FHIP1A: variants seen among roughly 807,000 people sequenced by gnomAD.
FHIP1A encodes the protein FHF complex subunit HOOK interacting protein 1A.
A neutral mutation model predicts 88.6 loss-of-function variants in FHIP1A; 61 were observed. That is an observed-to-expected ratio of 0.69 (90% CI 0.56 to 0.85). The LOEUF (loss-of-function observed/expected upper bound fraction) is 0.85, where lower values mean the gene tolerates loss of function less well. FHIP1A is among the 40% of genes least tolerant of loss of function. FHIP1A has a pLI of 0.00. For synonymous variants in FHIP1A, 478 were observed against 496.0 expected (o/e 0.96, Z 0.48); for missense variants, 1,154 against 1,273.5 (o/e 0.91, Z 1.43).
intron 11 of FHIP1A, among the ~76,000 whole-genome samples, chr4:151,651,323 CA>C (rs1196447424): frequency 1.3e-5 from 2 of 152,184 alleles, no homozygotes; most frequent in Non-Finnish European, 2.9e-5. Context: ...TAGAAAACAT[CA>C]TTAAATATTA....
chr4:151,604,321 C>T (rs569091964), intron 7 of FHIP1A, among the ~76,000 whole-genome samples: 3 of 152,204 alleles, frequency 2.0e-5, no homozygotes, highest in Non-Finnish European at 2.9e-5. Context: ...GACCCTGCTT[C>T]CCTGCTCTTT....
intron 2 of FHIP1A, among the ~76,000 whole-genome samples, chr4:151,455,928 G>T (rs1036172142): frequency 6.6e-6 from 1 of 152,134 alleles, no homozygotes; most frequent in South Asian, 2.1e-4. Context: ...AATATTAGAT[G>T]GAAGCACTGA....
At position 151,601,941 on chromosome 4, in the gene FHIP1A, A is replaced by G. The variant is rs189441849; in HGVS notation, c.978+13015A>G. Reference sequence around the variant, plus strand: ...TGGAAGGCAAGCAGGAGCAAGTTACATCTTACATGGATGGCGGCAGGCATA... The same window carrying G: ...TGGAAGGCAAGCAGGAGCAAGTTACGTCTTACATGGATGGCGGCAGGCATA... On this transcript the variant is annotated intron_variant, in intron 7 of 13. Transcript: ENST00000435205. Among the ~76,000 whole-genome samples, 18 of 152,112 alleles carry G rather than the reference A, an allele frequency of 1.2e-4. No individual in the cohort carries two copies. In the East Asian group the frequency reaches 3.3e-3, roughly 28 times the overall value.
chr4:151,516,788 A>C (rs1021229620), intron 3 of FHIP1A, among the ~76,000 whole-genome samples: 1 of 151,598 alleles, frequency 6.6e-6, no homozygotes, highest in South Asian at 2.1e-4. Context: ...CAATCATTCA[A>C]AAGTCAGGAA....
At chr4:151,565,310 A>G (rs1175813215) in intron 3 of FHIP1A, among the ~76,000 whole-genome samples, 3 of 152,102 alleles carry the variant, frequency 2.0e-5, no homozygotes, top group African/African-American at 4.8e-5. Flanking sequence ...CGTACACTCT[A>G]TGACCTCAAT....
rs1226234782 is a variant in FHIP1A, at chr4:151,670,454, A to G, written c.*7700A>G. On this transcript the variant is annotated 3_prime_UTR_variant, in exon 14 of 14. Transcript: ENST00000435205. ...ATCTTTGAAGTGTAAGTTAATTTTT[A>G]TGTGATATTTCAGTATATATTTTAT... The G allele has an allele frequency of 1.3e-5, 2 of 152,128 alleles. No individual in the cohort carries two copies. Among genetic ancestry groups the G allele is most frequent in the African/African-American group, 4.8e-5 (2 of 41,410 alleles). 9.4% of individuals were successfully genotyped at this position (152,128 alleles called of 1,614,324 possible).
chr4:151,445,070 C>T (rs1244448251), intron 1 of FHIP1A, among the ~76,000 whole-genome samples: 2 of 152,172 alleles, frequency 1.3e-5, no homozygotes, highest in African/African-American at 4.8e-5. Flanking sequence ...TTTCCTACAA[C>T]TTCTATCTGA....
chr4:151,655,632 C>T (rs1737202955), intron 11 of FHIP1A, among the ~76,000 whole-genome samples: 1 of 152,120 alleles, frequency 6.6e-6, no homozygotes, highest in Non-Finnish European at 1.5e-5. Flanking sequence ...CACCTCTCAC[C>T]TATTTTTTTT....
At chr4:151,638,884 C>A in intron 9 of FHIP1A, 128 bp downstream of exon 9, 1 of 439,920 alleles carries the variant, frequency 2.3e-6, no homozygotes, top group Non-Finnish European at 4.0e-6. Context: ...AGGCGCCAAG[C>A]ATCTAAGGAA....
In FHIP1A at chr4:151,656,685, C is replaced by T; in HGVS notation, c.2731-75C>T. The T allele has an allele frequency of 6.9e-7, 1 of 1,447,894 alleles. No homozygotes were observed. The highest frequency in any genetic ancestry group is 9.3e-7 in the Non-Finnish European group (1 of 1,071,086). 89.7% of individuals were successfully genotyped at this position (1,447,894 alleles called of 1,614,324 possible). On this transcript the variant is annotated intron_variant, in intron 12 of 13. Transcript: ENST00000435205. This position sits in a 1 kb window ranked among gnomAD's most constrained non-coding sequence, Gnocchi z 4.2. ...AATAGTTCCCATAATGAGGGTGCTA[C>T]CTGCAAGATATATTGATAACTGGGA...
chr4:151,474,756 A>G (rs1442514967), intron 2 of FHIP1A, among the ~76,000 whole-genome samples: 3 of 152,224 alleles, frequency 2.0e-5, no homozygotes, highest in East Asian at 1.9e-4. Context: ...TCTTTTGGGT[A>G]TACAAGGGCA....
chr4:151,648,521 C>T (rs1736878682), intron 10 of FHIP1A, among the ~76,000 whole-genome samples: 1 of 152,080 alleles, frequency 6.6e-6, no homozygotes, highest in Middle Eastern at 3.4e-3. Context: ...CATGAAGAGA[C>T]GTGAGGCTTG....
At chr4:151,572,232 A>G (rs1195074938) in intron 4 of FHIP1A, among the ~76,000 whole-genome samples, 2 of 152,158 alleles carry the variant, frequency 1.3e-5, no homozygotes, top group East Asian at 3.8e-4. Context: ...AAATAGAAAT[A>G]CAATGCTTGA....
At chr4:151,421,467 A>T (rs879296779) in intron 1 of FHIP1A, among the ~76,000 whole-genome samples, 8 of 152,136 alleles carry the variant, frequency 5.3e-5, no homozygotes, top group African/African-American at 1.9e-4. Flanking sequence ...ATGTCTTTTT[A>T]AAATTTAAAA....
intron 7 of FHIP1A, among the ~76,000 whole-genome samples, chr4:151,591,087 G>T (rs62329101): frequency 0.29 from 42,866 of 150,206 alleles, 6,326 homozygotes; most frequent in Non-Finnish European, 0.33. Context: ...GTTTTTTGTT[G>T]GTTTGCTTTT....
intron 3 of FHIP1A, among the ~76,000 whole-genome samples, chr4:151,519,616 C>T (rs1731382841): frequency 6.6e-6 from 1 of 151,924 alleles, no homozygotes. Flanking sequence ...TATACACATC[C>T]ACATTTATAT....
chr4:151,421,821 C>A (rs1212777272), intron 1 of FHIP1A, among the ~76,000 whole-genome samples: 1 of 152,010 alleles, frequency 6.6e-6, no homozygotes, highest in Non-Finnish European at 1.5e-5. Flanking sequence ...TTTGTAATAG[C>A]CACACCAATA....
At position 151,656,153 on chromosome 4, in the gene FHIP1A, C is replaced by G; in HGVS notation, c.2552-79C>G. On this transcript the variant is annotated intron_variant, in intron 11 of 13. Coordinates refer to ENST00000435205, the MANE Select transcript of FHIP1A (RefSeq NM_001109977.3). This position sits in a 1 kb window ranked among gnomAD's most constrained non-coding sequence, Gnocchi z 4.2. ...GCCCATGGTGGTTTGGGAGATGTGG[C>G]ACCGATGGTTCTGCAATTGTCAGGG... 8.6e-7 allele frequency: 1 copy of G among 1,157,132 alleles called. No homozygotes were observed. Among genetic ancestry groups the G allele is most frequent in the Non-Finnish European group, 1.2e-6 (1 of 806,584 alleles). The allele number at this position is 1,157,132 out of a possible 1,614,324, so 71.7% of individuals were successfully genotyped here.
intron 13 of FHIP1A, among the ~76,000 whole-genome samples, chr4:151,660,765 TG>T (rs1291103944): frequency 1.3e-5 from 2 of 152,134 alleles, no homozygotes; most frequent in African/African-American, 2.4e-5. Flanking sequence ...GAATGACTTC[TG>T]GGGGCAGGAA....
Sources: gnomAD v4.1 joint callset for allele counts (sites outside exome capture counted in the v4.1 genomes callset) on GRCh38, gnomAD v4.1.1 for gene constraint, Gnocchi (gnomAD v3.1) non-coding constraint, MANE v1.5 for transcripts, NCBI Gene and HGNC (gene_info 2026-07-23, HGNC 2026-07-21) for gene names.